SUCLG2: variants seen among roughly 807,000 people sequenced by gnomAD.
SUCLG2 encodes succinate--CoA ligase [GDP-forming] subunit beta, mitochondrial.
In SUCLG2, 42 loss-of-function variants were observed where a neutral mutation model predicts 47.9. The observed-to-expected ratio is 0.88, with a 90% CI of 0.69 to 1.14. The LOEUF (loss-of-function observed/expected upper bound fraction) is 1.14, where lower values mean the gene tolerates loss of function less well. Ranked by LOEUF, SUCLG2 falls within the 50% of genes most tolerant of loss-of-function variation. The probability of loss-of-function intolerance (pLI) is 0.00; values close to 1 mark genes in which losing one functional copy is unlikely to be tolerated. For missense variants in SUCLG2, 571 were observed against 525.9 expected (o/e 1.09, Z -0.84); for synonymous variants, 195 against 197.3 (o/e 0.99, Z 0.10).
chr3:67,584,102 G>A (rs1277438891), intron 2 of SUCLG2, among the ~76,000 whole-genome samples: 2 of 152,178 alleles, frequency 1.3e-5, no homozygotes, highest in East Asian at 3.8e-4. Flanking sequence ...TTGGACATAA[G>A]TGTTCATAGC....
At chr3:67,645,672 C>T (rs1478042950) in intron 1 of SUCLG2, among the ~76,000 whole-genome samples, 2 of 151,858 alleles carry the variant, frequency 1.3e-5, no homozygotes, top group East Asian at 1.9e-4. Context: ...AACAAAGAAA[C>T]ACTCATCATT....
chr3:67,487,509 CACACACACAA>C (rs1705087265), intron 9 of SUCLG2, among the ~76,000 whole-genome samples: 1 of 151,704 alleles, frequency 6.6e-6, no homozygotes, highest in East Asian at 1.9e-4. Context: ...TACACACACA[CACACACACAA>C]ACACACACAC....
chr3:67,604,861 T>G (rs1419828486), intron 2 of SUCLG2, among the ~76,000 whole-genome samples: 2 of 152,242 alleles, frequency 1.3e-5, no homozygotes, highest in African/African-American at 2.4e-5. Flanking sequence ...TTTTATAAAA[T>G]GTCATTTCAA....
chr3:67,387,584 A>T (rs1198394923), intron 10 of SUCLG2, among the ~76,000 whole-genome samples: 3 of 152,222 alleles, frequency 2.0e-5, no homozygotes, highest in Non-Finnish European at 4.4e-5. Context: ...TTTTCCCAAA[A>T]GATTTAAAGG....
chr3:67,586,047 T>C (rs1437609339), intron 2 of SUCLG2, among the ~76,000 whole-genome samples: 2 of 150,232 alleles, frequency 1.3e-5, no homozygotes, highest in Non-Finnish European at 3.0e-5. Context: ...TAGATTTTCC[T>C]CCACATTTGT....
intron 2 of SUCLG2, among the ~76,000 whole-genome samples, chr3:67,549,182 G>A (rs1359354144): frequency 1.3e-5 from 2 of 152,160 alleles, no homozygotes; most frequent in African/African-American, 2.4e-5. Flanking sequence ...TTTTCAACAA[G>A]GGATTGAATT....
chr3:67,403,095 C>G (rs770149606), intron 9 of SUCLG2, among the ~76,000 whole-genome samples: 14 of 152,050 alleles, frequency 9.2e-5, no homozygotes, highest in Non-Finnish European at 1.8e-4. Flanking sequence ...TAATTAGAGT[C>G]CGATGTTAAA....
At chr3:67,436,901 G>A (rs1299905106) in intron 9 of SUCLG2, among the ~76,000 whole-genome samples, 1 of 151,990 alleles carries the variant, frequency 6.6e-6, no homozygotes, top group Admixed American at 6.6e-5. Context: ...ACACCTACAT[G>A]TACTTTGTCC....
In SUCLG2 at chr3:67,581,604, A is replaced by T. The variant is rs1231352138; in HGVS notation, c.226+27851T>A. ...TGTGATGGTGAAAAGTGAGCCTTGAACTTTTCAAGCTCAAAATCAAGTTAG... is the reference window on the plus strand; with the variant it reads ...TGTGATGGTGAAAAGTGAGCCTTGATCTTTTCAAGCTCAAAATCAAGTTAG... On this transcript the variant is annotated intron_variant, in intron 2 of 10. Coordinates refer to ENST00000307227, the MANE Select transcript of SUCLG2 (RefSeq NM_003848.4). Among the ~76,000 whole-genome samples, 5 of 152,340 alleles carry T rather than the reference A, an allele frequency of 3.3e-5. No homozygotes were observed. In the East Asian group the frequency reaches 9.6e-4, roughly 29 times the overall value.
chr3:67,428,891 A>T (rs1703382652), intron 9 of SUCLG2, among the ~76,000 whole-genome samples: 1 of 152,200 alleles, frequency 6.6e-6, no homozygotes. Flanking sequence ...CGAGAAGAGA[A>T]GTTTAGAGAA....
chr3:67,575,143 C>A (rs1707712672), intron 2 of SUCLG2, among the ~76,000 whole-genome samples: 1 of 152,178 alleles, frequency 6.6e-6, no homozygotes, highest in South Asian at 2.1e-4. Context: ...AAAAGTTTGG[C>A]AGTTTCTCAA....
intron 2 of SUCLG2, among the ~76,000 whole-genome samples, chr3:67,553,945 G>C (rs1707089553): frequency 6.6e-6 from 1 of 152,072 alleles, no homozygotes. Flanking sequence ...AATTATCATG[G>C]GTTTCAGAAA....
chr3:67,427,156 G>C (rs1362725285), intron 9 of SUCLG2, among the ~76,000 whole-genome samples: 2 of 152,096 alleles, frequency 1.3e-5, no homozygotes, highest in Non-Finnish European at 2.9e-5. Flanking sequence ...ATAGCCAAAG[G>C]TATGTATTTT....
intron 1 of SUCLG2, among the ~76,000 whole-genome samples, chr3:67,615,393 C>T (rs114900676): frequency 0.09 from 13,635 of 151,894 alleles, 1,131 homozygotes; most frequent in African/African-American, 0.22. Context: ...TCCCTGAGCT[C>T]GACACCCCTG....
At chr3:67,644,502 T>C (rs927668477) in intron 1 of SUCLG2, among the ~76,000 whole-genome samples, 9 of 151,942 alleles carry the variant, frequency 5.9e-5, no homozygotes, top group Non-Finnish European at 1.0e-4. Context: ...GGAGTTAGCA[T>C]TGAATAGGTA....
In SUCLG2 at chr3:67,527,896, C is replaced by A. The variant is rs369034333; in HGVS notation, c.417+236G>T. On this transcript the variant is annotated intron_variant, in intron 4 of 10. Coordinates refer to ENST00000307227, the MANE Select transcript of SUCLG2 (RefSeq NM_003848.4). ...GGAAAGCCATTGCTCGGTCACTCACCCTCACCCACTTTTTGCTAAATGCTA... is the reference window on the plus strand; with the variant it reads ...GGAAAGCCATTGCTCGGTCACTCACACTCACCCACTTTTTGCTAAATGCTA... 5.1e-4 allele frequency among the ~76,000 whole-genome samples: 78 copies of A among 152,210 alleles called. 1 individual carries two copies. Among genetic ancestry groups the A allele is most frequent in the Middle Eastern group, 3.4e-3 (1 of 292 alleles).
intron 7 of SUCLG2, among the ~76,000 whole-genome samples, chr3:67,501,950 T>G (rs1705505703): frequency 2.0e-5 from 3 of 152,060 alleles, no homozygotes; most frequent in Admixed American, 2.0e-4. Flanking sequence ...TCAGCAGTAG[T>G]AAGTAAAGTG....
chr3:67,620,780 G>C (rs970117699), intron 1 of SUCLG2, among the ~76,000 whole-genome samples: 1 of 152,028 alleles, frequency 6.6e-6, no homozygotes, highest in African/African-American at 2.4e-5. Context: ...CATGTTCCAA[G>C]GCTCTGGGGT....
chr3:67,529,343 A>C (rs1047891257), intron 2 of SUCLG2, among the ~76,000 whole-genome samples, 157 bp from the exon 3 acceptor site: 11 of 152,332 alleles, frequency 7.2e-5, no homozygotes, highest in African/African-American at 2.2e-4. Flanking sequence ...ACTTCAAAAA[A>C]ACATCTATGA....
Sources: allele counts gnomAD v4.1 joint callset (sites outside exome capture counted in the v4.1 genomes callset), GRCh38; gene constraint gnomAD v4.1.1; transcripts MANE v1.5; gene names NCBI Gene and HGNC (gene_info 2026-07-23, HGNC 2026-07-21).